Variants in POFUT4 observed in about 807,000 individuals in gnomAD.
POFUT4 encodes the protein protein O-fucosyltransferase 4.
chr10:73,773,705 T>TC, the POFUT4 span: 1 of 1,614,244 alleles, frequency 6.2e-7, no homozygotes, highest in Non-Finnish European at 8.5e-7. Flanking sequence ...ACGCGGCCTC[T>TC]CCCGGGGACA....
chr10:73,775,830 T>A, the POFUT4 span: 6 of 838,936 alleles, frequency 7.2e-6, no homozygotes, highest in Non-Finnish European at 1.1e-5. Context: ...ATTAAGATTT[T>A]ATCTTAATGA....
chr10:73,773,911 G>C, the POFUT4 span: 3 of 1,355,444 alleles, frequency 2.2e-6, no homozygotes, highest in Middle Eastern at 2.2e-4. Context: ...AGGTGCAGGA[G>C]GAAATTATCA....
chr10:73,778,004 A>G, the POFUT4 span, among the ~76,000 whole-genome samples: 2 of 151,016 alleles, frequency 1.3e-5, no homozygotes, highest in Non-Finnish European at 2.9e-5. Flanking sequence ...GATTACAGGC[A>G]CGCACTACCA....
chr10:73,773,994 G>A, the POFUT4 span: 4 of 629,284 alleles, frequency 6.4e-6, no homozygotes, highest in African/African-American at 7.4e-5. Context: ...AAGCTGAATA[G>A]ATGTAAAATA....
At chr10:73,773,440 C>G in the POFUT4 span, 3 of 1,614,190 alleles carry the variant, frequency 1.9e-6, no homozygotes, top group East Asian at 6.7e-5. Flanking sequence ...AACAATCACT[C>G]CGTCATCCTG....
the POFUT4 span, chr10:73,774,390 C>G: frequency 1.3e-5 from 2 of 152,044 alleles, no homozygotes; most frequent in African/African-American, 4.8e-5. Context: ...ACTAGAAAAA[C>G]TAGGCATGGC....
At chr10:73,775,526 A>G in the POFUT4 span, 1 of 1,614,214 alleles carries the variant, frequency 6.2e-7, no homozygotes, top group African/African-American at 1.3e-5. Context: ...TCCAACCCCC[A>G]TTTTGATATT....
chr10:73,779,917 T>C, the POFUT4 span: 1 of 152,266 alleles, frequency 6.6e-6, no homozygotes, highest in Non-Finnish European at 1.5e-5. Flanking sequence ...TTCTCCTTTA[T>C]TCCTATCACC....
the POFUT4 span, chr10:73,775,204 AC>A: frequency 5.3e-6 from 3 of 562,648 alleles, no homozygotes. Context: ...TCATCTAAAG[AC>A]CCCTGCCCCC....
At chr10:73,773,018 C>A in the POFUT4 span, 1 of 1,579,908 alleles carries the variant, frequency 6.3e-7, no homozygotes, top group Non-Finnish European at 8.6e-7. Flanking sequence ...CCGCTACGTG[C>A]GCGAGCTCAT....
At chr10:73,776,249 T>A in the POFUT4 span, 10 of 152,134 alleles carry the variant, frequency 6.6e-5, no homozygotes, top group East Asian at 1.9e-4. Context: ...TTTATTTTTT[T>A]AAAATATTTT....
chr10:73,777,127 A>G, the POFUT4 span, among the ~76,000 whole-genome samples: 1 of 152,184 alleles, frequency 6.6e-6, no homozygotes, highest in African/African-American at 2.4e-5. Flanking sequence ...CATGAACAGA[A>G]AGATTCAGTG....
the POFUT4 span, chr10:73,773,238 C>T: frequency 1.2e-6 from 2 of 1,613,448 alleles, no homozygotes; most frequent in Admixed American, 1.7e-5. Flanking sequence ...GCCTACCGCG[C>T]GGCTACAGGA....
At chr10:73,773,179 A>G in the POFUT4 span, 1 of 1,599,864 alleles carries the variant, frequency 6.3e-7, no homozygotes. Context: ...GCCTTACTGT[A>G]CCCGGTCTAG....
At chr10:73,772,298 G>C in the POFUT4 span, 1 of 1,399,622 alleles carries the variant, frequency 7.1e-7, no homozygotes, top group African/African-American at 1.5e-5. Flanking sequence ...GGCGGGGTCG[G>C]TGCTGGCCGA....
At chr10:73,775,460 T>A in the POFUT4 span, 2 of 1,613,970 alleles carry the variant, frequency 1.2e-6, no homozygotes, top group Non-Finnish European at 1.7e-6. Context: ...TGCTTAAGAT[T>A]TCTTTGGCCC....
the POFUT4 span, among the ~76,000 whole-genome samples, chr10:73,777,615 C>T: frequency 2.7e-5 from 4 of 150,610 alleles, no homozygotes; most frequent in South Asian, 2.1e-4. Flanking sequence ...AGTGCAGTGG[C>T]GCGATCTCAG....
the POFUT4 span, chr10:73,774,715 A>ACACAC: frequency 6.8e-6 from 1 of 147,360 alleles, no homozygotes; most frequent in South Asian, 2.2e-4. Flanking sequence ...CACACACACA[A>ACACAC]AACAATGCAC....
the POFUT4 span, chr10:73,775,317 C>T: frequency 2.5e-5 from 27 of 1,080,524 alleles, no homozygotes; most frequent in Admixed American, 4.0e-5. Context: ...AGTCAGGAAT[C>T]GTAATTGATT....
Sources: gnomAD v4.1 joint callset for allele counts (sites outside exome capture counted in the v4.1 genomes callset) on GRCh38, gnomAD v4.1.1 for gene constraint, MANE v1.5 for transcripts, NCBI Gene and HGNC (gene_info 2026-07-23, HGNC 2026-07-21) for gene names.